Variants in SPAG16 observed in about 807,000 individuals in gnomAD.
SPAG16 encodes sperm-associated antigen 16 protein.
A neutral mutation model predicts 80.4 loss-of-function variants in SPAG16; 86 were observed. The ratio of observed to expected loss-of-function variants is 1.07; its 90% CI spans 0.90 to 1.28. The LOEUF (loss-of-function observed/expected upper bound fraction) is 1.28. SPAG16 is among the 50% of genes most tolerant of loss of function. The pLI, the probability that SPAG16 is intolerant of heterozygous loss-of-function variation, is 0.00. For missense variants in SPAG16, 870 were observed against 765.3 expected (o/e 1.14, Z -1.61); for synonymous variants, 294 against 265.9 (o/e 1.11, Z -1.03).
intron 10 of SPAG16, among the ~76,000 whole-genome samples, chr2:213,653,701 T>A (rs2125154634): frequency 6.6e-6 from 1 of 152,326 alleles, no homozygotes; most frequent in East Asian, 1.9e-4. Context: ...TAGCTTTGAA[T>A]TCTAAAATAG....
chr2:213,317,637 A>G, intron 5 of SPAG16: 2 of 1,046,982 alleles, frequency 1.9e-6, no homozygotes, highest in Non-Finnish European at 2.3e-6. Context: ...TAGTCTTTTC[A>G]TGGTTTATAA....
intron 15 of SPAG16, among the ~76,000 whole-genome samples, chr2:214,323,668 T>C (rs1308724362): frequency 6.6e-6 from 1 of 152,212 alleles, no homozygotes; most frequent in Non-Finnish European, 1.5e-5. Flanking sequence ...TTAAAGTTCT[T>C]TTGCAAAGAT....
rs1559505541 is a variant in SPAG16, at chr2:213,833,455, T to TATATATATTATATATA, written c.1071-29022_1071-29021insTATATATAATATATAT. On this transcript the variant is annotated intron_variant, in intron 10 of 15. Coordinates refer to ENST00000331683, the MANE Select transcript of SPAG16 (RefSeq NM_024532.5). ...TATGTGTGTGTGTATATATATATAT[T>TATATATATTATATATA]ATATATATATTATATATAATAATAT... 1.4e-3 allele frequency among the ~76,000 whole-genome samples: 3 copies of TATATATATTATATATA among 2,158 alleles called. 1 individual carries two copies. Among genetic ancestry groups the TATATATATTATATATA allele is most frequent in the Non-Finnish European group, 1.7e-3 (2 of 1,168 alleles). The allele number at this position is 2,158 out of a possible 152,430, so 1.4% of individuals were successfully genotyped here.
chr2:214,058,323 T>G (rs1428757571), intron 13 of SPAG16, among the ~76,000 whole-genome samples: 2 of 152,234 alleles, frequency 1.3e-5, no homozygotes, highest in South Asian at 2.1e-4. Flanking sequence ...TCAATGCCGT[T>G]GTCTCTCAGT....
rs2061852331 is a variant in SPAG16, at chr2:213,623,358, T to C, written c.1070+133268T>C. Among the ~76,000 whole-genome samples the C allele has an allele frequency of 2.6e-5, 4 of 152,306 alleles. 1 individual carries two copies. The South Asian group carries it at 8.3e-4, about 32-fold the overall frequency. On this transcript the variant is annotated intron_variant, in intron 10 of 15. Coordinates refer to ENST00000331683, the MANE Select transcript of SPAG16 (RefSeq NM_024532.5). ...TTTTTTTCCTGAACTATGAATTCTATGCTTTCCTTGAAATAGATAAAATAG... is the reference window on the plus strand; with the variant it reads ...TTTTTTTCCTGAACTATGAATTCTACGCTTTCCTTGAAATAGATAAAATAG...
chr2:214,068,353 C>T (rs1295932680), intron 13 of SPAG16, among the ~76,000 whole-genome samples: 1 of 151,990 alleles, frequency 6.6e-6, no homozygotes, highest in East Asian at 1.9e-4. Flanking sequence ...TTACACAAAC[C>T]ATTATGTTGA....
chr2:213,687,651 G>A (rs2064748203), intron 10 of SPAG16, among the ~76,000 whole-genome samples: 1 of 152,000 alleles, frequency 6.6e-6, no homozygotes, highest in Non-Finnish European at 1.5e-5. Context: ...CTTTTGTAAA[G>A]GCATATGTTT....
chr2:213,702,465 G>A (rs181303618), intron 10 of SPAG16, among the ~76,000 whole-genome samples: 53 of 152,192 alleles, frequency 3.5e-4, no homozygotes, highest in Non-Finnish European at 6.5e-4. Flanking sequence ...GTGAGACCAC[G>A]AACTCACCAA....
chr2:213,556,397 G>A (rs1174241501), intron 10 of SPAG16, among the ~76,000 whole-genome samples: 2 of 150,602 alleles, frequency 1.3e-5, no homozygotes, highest in African/African-American at 2.4e-5. Context: ...AAAGTGAAAG[G>A]TTGGGAAAAC....
chr2:214,082,186 G>T (rs1011801994), intron 13 of SPAG16, among the ~76,000 whole-genome samples: 2 of 151,918 alleles, frequency 1.3e-5, no homozygotes, highest in African/African-American at 2.4e-5. Flanking sequence ...TTCATTTCTG[G>T]CTCCTACTGC....
chr2:213,456,809 T>A (rs1325296035), intron 9 of SPAG16, among the ~76,000 whole-genome samples: 1 of 152,174 alleles, frequency 6.6e-6, no homozygotes, highest in African/African-American at 2.4e-5. Context: ...TCAGTTCAGA[T>A]GTAATTAATT....
chr2:214,241,590 G>A (rs757594813), intron 15 of SPAG16, among the ~76,000 whole-genome samples: 3 of 152,068 alleles, frequency 2.0e-5, no homozygotes, highest in Non-Finnish European at 4.4e-5. Context: ...AAGAATAAGA[G>A]TTTTTAACCA....
intron 11 of SPAG16, among the ~76,000 whole-genome samples, chr2:213,872,682 G>A (rs2075998949): frequency 6.6e-6 from 1 of 152,044 alleles, no homozygotes; most frequent in Non-Finnish European, 1.5e-5. Flanking sequence ...TAGGTAAAAC[G>A]TGATCAGTCT....
intron 15 of SPAG16, among the ~76,000 whole-genome samples, chr2:214,270,120 G>C (rs920777368): frequency 2.6e-5 from 4 of 152,034 alleles, no homozygotes; most frequent in African/African-American, 7.2e-5. Flanking sequence ...AGAACACCAG[G>C]TACAAGATCA....
intron 13 of SPAG16, among the ~76,000 whole-genome samples, chr2:214,019,999 T>C (rs556890489): frequency 3.3e-5 from 5 of 152,326 alleles, no homozygotes; most frequent in African/African-American, 1.2e-4. Flanking sequence ...CAAGAGCTGA[T>C]TGATGGTTAA....
chr2:213,943,450 G>C (rs527651168), intron 12 of SPAG16, among the ~76,000 whole-genome samples: 2 of 152,140 alleles, frequency 1.3e-5, no homozygotes, highest in African/African-American at 4.8e-5. Flanking sequence ...AATAAAGGCC[G>C]TTCTCATGTG....
intron 15 of SPAG16, among the ~76,000 whole-genome samples, chr2:214,408,675 G>T (rs1003235647): frequency 6.6e-6 from 1 of 152,030 alleles, no homozygotes; most frequent in Non-Finnish European, 1.5e-5. Flanking sequence ...ATTATAAAAT[G>T]GACCAATGCT....
intron 14 of SPAG16, among the ~76,000 whole-genome samples, chr2:214,123,089 C>A (rs2054298681): frequency 6.6e-6 from 1 of 151,222 alleles, no homozygotes; most frequent in Non-Finnish European, 1.5e-5. Flanking sequence ...AAAAGTAAAG[C>A]AAAAGAAAAG....
intron 13 of SPAG16, among the ~76,000 whole-genome samples, chr2:214,053,195 C>T (rs1181546643): frequency 6.6e-6 from 1 of 152,270 alleles, no homozygotes; most frequent in East Asian, 1.9e-4. Flanking sequence ...ACAGCTATTC[C>T]ATTTGAACCT....
Sources: allele counts gnomAD v4.1 joint callset (sites outside exome capture counted in the v4.1 genomes callset), GRCh38; gene constraint gnomAD v4.1.1; transcripts MANE v1.5; gene names NCBI Gene and HGNC (gene_info 2026-07-23, HGNC 2026-07-21).